Variants in ITPRID1 observed in about 807,000 individuals in gnomAD.
ITPRID1 encodes protein ITPRID1.
ITPRID1 carries 96 observed loss-of-function variants against 95.4 expected under a neutral mutation model. The observed-to-expected ratio is 1.01, with a 90% CI of 0.85 to 1.19. The LOEUF (loss-of-function observed/expected upper bound fraction) is 1.19. ITPRID1 is among the 50% of genes most tolerant of loss of function. ITPRID1 has a pLI of 0.00. For missense variants in ITPRID1, 1,339 were observed against 1,252.9 expected (o/e 1.07, Z -1.04); for synonymous variants, 510 against 453.6 (o/e 1.12, Z -1.58).
chr7:31,650,340 G>A (rs1790838813), intron 12 of ITPRID1, among the ~76,000 whole-genome samples: 1 of 152,190 alleles, frequency 6.6e-6, no homozygotes, highest in African/African-American at 2.4e-5. Context: ...CAGGGACACA[G>A]CCTTGTGCTG....
At chr7:31,635,178 T>TCATC (rs1789365176) in intron 10 of ITPRID1, among the ~76,000 whole-genome samples, 1 of 152,250 alleles carries the variant, frequency 6.6e-6, no homozygotes. Context: ...AGGTGATTTC[T>TCATC]CATCCTTTGT....
Position 31,642,189 on chromosome 7 carries a change from C to G in ITPRID1, c.1242C>G (p.Asp414Glu), listed in dbSNP as rs1218190317. 1 of 1,560,636 alleles carries G rather than the reference C, an allele frequency of 6.4e-7. No individual in the cohort carries two copies. Among genetic ancestry groups the G allele is most frequent in the Non-Finnish European group, 8.7e-7 (1 of 1,153,340 alleles). Residue 414 changes from aspartate (D) to glutamate (E), a missense_variant, in exon 11 of 15, where the codon GAC becomes GAG. Physicochemically the swap from Asp to Glu is conservative, Grantham distance 45. Transcript: ENST00000615280. ...TTCATTCTGCAGGTGCCAGGGTGGA[C>G]AGAGCAAATAGCTGCCAGTCTGACA... ...MTSGTVGARV[D>E]RANSCQSDSS...
At chr7:31,559,407 TC>T (rs1323664711) in intron 5 of ITPRID1, among the ~76,000 whole-genome samples, 1 of 152,150 alleles carries the variant, frequency 6.6e-6, no homozygotes, top group Non-Finnish European at 1.5e-5. Flanking sequence ...ACACCTGTAA[TC>T]CCAGCACTTT....
At chr7:31,599,591 TTC>T (rs1169730736) in intron 10 of ITPRID1, among the ~76,000 whole-genome samples, 1 of 65,456 alleles carries the variant, frequency 1.5e-5, no homozygotes, top group Non-Finnish European at 3.1e-5. Context: ...GTTATTTTCT[TTC>T]TTTCTTTCTT....
intron 1 of ITPRID1, among the ~76,000 whole-genome samples, chr7:31,538,147 A>T (rs960329941): frequency 4.6e-5 from 7 of 152,190 alleles, no homozygotes; most frequent in Admixed American, 6.5e-5. Flanking sequence ...AAATTATTGG[A>T]CATAAGGCTA....
chr7:31,626,928 C>G (rs1012163081), intron 10 of ITPRID1, among the ~76,000 whole-genome samples: 1 of 152,206 alleles, frequency 6.6e-6, no homozygotes, highest in Non-Finnish European at 1.5e-5. Context: ...AAGCTTTCTT[C>G]TAGAAAGTGG....
intron 10 of ITPRID1, among the ~76,000 whole-genome samples, chr7:31,615,772 G>GAGAC (rs1394300512): frequency 6.9e-5 from 9 of 131,164 alleles, no homozygotes; most frequent in African/African-American, 1.2e-4. Flanking sequence ...TTTTTTTTCT[G>GAGAC]AGACAGAGTC....
rs747914495 is a variant in ITPRID1, at chr7:31,642,221, G to T, written c.1274G>T (p.Gly425Val). 7.9e-5 allele frequency: 123 copies of T among 1,559,374 alleles called. No individual in the cohort carries two copies. Among genetic ancestry groups the T allele is most frequent in the Non-Finnish European group, 1.0e-4 (119 of 1,152,366 alleles). ...AATAGCTGCCAGTCTGACAGCAGCG[G>T]GTTCCTGGAGGAGCCGCTGGAACCG... Reference protein sequence around the residue: ...RANSCQSDSSGFLEEPLEPLP... With the variant: ...RANSCQSDSSVFLEEPLEPLP... The change falls in exon 11 of 15, where the codon GGG (glycine) becomes GTG (valine). Residue 425 changes from glycine to valine, a missense_variant. Coordinates refer to ENST00000615280, the MANE Select transcript of ITPRID1 (RefSeq NM_001257967.3).
chr7:31,520,562 TGTGAGAGAGA>T (rs755244885), intron 1 of ITPRID1, among the ~76,000 whole-genome samples: 663 of 50,152 alleles, frequency 0.013, 4 homozygotes, highest in African/African-American at 0.02. Flanking sequence ...TGTGTGTGTG[TGTGAGAGAGA>T]GAGAGAGAGT....
chr7:31,549,188 G>T (rs1438026611), intron 1 of ITPRID1, among the ~76,000 whole-genome samples: 1 of 152,112 alleles, frequency 6.6e-6, no homozygotes, highest in Non-Finnish European at 1.5e-5. Flanking sequence ...TTAAAATTTA[G>T]TCTATAATTG....
chr7:31,550,165 A>G (rs1372771865), intron 2 of ITPRID1, among the ~76,000 whole-genome samples: 1 of 149,392 alleles, frequency 6.7e-6, no homozygotes, highest in Non-Finnish European at 1.5e-5. Flanking sequence ...TTTTTACAAA[A>G]TTGAGTTCTT....
chr7:31,600,525 A>C (rs546886996), intron 10 of ITPRID1, among the ~76,000 whole-genome samples: 1 of 152,322 alleles, frequency 6.6e-6, no homozygotes, highest in South Asian at 2.1e-4. Flanking sequence ...CATAAAGTAA[A>C]ATGTATGCTC....
At chr7:31,547,216 T>C (rs1030784027) in intron 1 of ITPRID1, among the ~76,000 whole-genome samples, 6 of 152,178 alleles carry the variant, frequency 3.9e-5, no homozygotes, top group African/African-American at 1.4e-4. Context: ...CTGGCTGATA[T>C]TAGGTTGATA....
intron 10 of ITPRID1, among the ~76,000 whole-genome samples, chr7:31,584,950 GATATTTCCTCTT>G (rs1295042091): frequency 6.6e-6 from 1 of 152,228 alleles, no homozygotes; most frequent in Non-Finnish European, 1.5e-5. Context: ...TGACTCTTGA[GATATTTCCTCTT>G]GGAACATTCC....
rs374470226 is a variant in ITPRID1, at chr7:31,553,112, G to A, written c.88G>A (p.Ala30Thr). 6.6e-5 allele frequency: 105 copies of A among 1,601,882 alleles called. No homozygotes were observed. The highest frequency in any genetic ancestry group is 5.2e-4 in the East Asian group (23 of 44,312). ...AGAGATCCTGAAGTGCACCAAAAGCGCGTGGGCTCCGCTGGATGAGTGGCT... is the reference window on the plus strand; with the variant it reads ...AGAGATCCTGAAGTGCACCAAAAGCACGTGGGCTCCGCTGGATGAGTGGCT... ...KREILKCTKSAWAPLDEWLPP... is the reference protein window; with the variant it reads ...KREILKCTKSTWAPLDEWLPP... Residue 30 changes from alanine to threonine, a missense_variant, in exon 3 of 15, where the codon GCG becomes ACG. Transcript: ENST00000615280.
intron 5 of ITPRID1, among the ~76,000 whole-genome samples, chr7:31,555,599 C>T (rs10273510): frequency 0.14 from 20,876 of 151,590 alleles, 1,848 homozygotes; most frequent in Non-Finnish European, 0.19. Context: ...GACTGTAATA[C>T]GTATCTTGAT....
chr7:31,546,354 T>G (rs2128134510), intron 1 of ITPRID1, among the ~76,000 whole-genome samples: 1 of 152,208 alleles, frequency 6.6e-6, no homozygotes, highest in Admixed American at 6.6e-5. Context: ...TAAGCAGGCA[T>G]CAAGTGATAA....
Position 31,599,603 on chromosome 7 carries a change from TTCTTTCTTTC to T in ITPRID1, c.1228+16414_1228+16423del, listed in dbSNP as rs1423947852. Among the ~76,000 whole-genome samples the T allele has an allele frequency of 8.8e-4, 67 of 76,342 alleles. 1 individual carries two copies. Among genetic ancestry groups the T allele is most frequent in the African/African-American group, 3.1e-3 (64 of 20,810 alleles). The allele number at this position is 76,342 out of a possible 152,430, so 50.1% of individuals were successfully genotyped here. On this transcript the variant is annotated intron_variant, in intron 10 of 14. Coordinates refer to ENST00000615280, the MANE Select transcript of ITPRID1 (RefSeq NM_001257967.3). ...TGTGTTATTTTCTTTCTTTCTTTCT[TTCTTTCTTTC>T]TTTCTTTCTTTCTTTCTTTCTTTCT...
Position 31,571,046 on chromosome 7 carries a change from T to C in ITPRID1, c.309-1056T>C, listed in dbSNP as rs6974360. On this transcript the variant is annotated intron_variant, in intron 6 of 14. Transcript: ENST00000615280. ...TTGTTTTTTTTTGTTTGTTTGTTTG[T>C]TTTTGAGACAGAGTCTCTGTCACCC... Among the ~76,000 whole-genome samples, 1,330 of 151,766 alleles carry C rather than the reference T, an allele frequency of 8.8e-3. 22 individuals are homozygous for C. The highest frequency in any genetic ancestry group is 0.03 in the African/African-American group (1,261 of 41,368).
Sources: allele counts gnomAD v4.1 joint callset (sites outside exome capture counted in the v4.1 genomes callset), GRCh38; gene constraint gnomAD v4.1.1; transcripts MANE v1.5; gene names NCBI Gene and HGNC (gene_info 2026-07-23, HGNC 2026-07-21).